Variants in NXPH1 observed in about 807,000 individuals in gnomAD.
NXPH1 encodes neurexophilin-1.
NXPH1 carries 5 observed loss-of-function variants against 23.7 expected under a neutral mutation model. The observed-to-expected ratio is 0.21, with a 90% CI of 0.11 to 0.44. The LOEUF (loss-of-function observed/expected upper bound fraction) is 0.44. NXPH1 is among the 20% of genes least tolerant of loss of function. The pLI is 0.99. For synonymous variants in NXPH1, 144 were observed against 122.2 expected, an observed-to-expected ratio of 1.18 and a Z score of -1.18; for missense variants, 324 against 321.6, an observed-to-expected ratio of 1.01 and a Z score of -0.06.
At chr7:8,624,981 C>T (rs1819956152) in intron 2 of NXPH1, among the ~76,000 whole-genome samples, 1 of 152,096 alleles carries the variant, frequency 6.6e-6, no homozygotes, top group African/African-American at 2.4e-5. Flanking sequence ...TGATGTCCAA[C>T]ATTTCTTAAA....
At chr7:8,492,392 G>A (rs1817262412) in intron 2 of NXPH1, among the ~76,000 whole-genome samples, 1 of 151,994 alleles carries the variant, frequency 6.6e-6, no homozygotes, top group Non-Finnish European at 1.5e-5. Context: ...GATTGTAGGT[G>A]CACTGCTTAC....
At chr7:8,524,582 G>T (rs67044006) in intron 2 of NXPH1, among the ~76,000 whole-genome samples, 35,792 of 152,104 alleles carry the variant, frequency 0.24, 4,355 homozygotes, top group East Asian at 0.3. Context: ...TGTCTGATAT[G>T]GTTTAGCTCT....
intron 2 of NXPH1, among the ~76,000 whole-genome samples, chr7:8,626,679 C>T (rs1253140706): frequency 1.3e-5 from 2 of 152,084 alleles, no homozygotes; most frequent in East Asian, 3.9e-4. Context: ...CAACATGTTG[C>T]ATATGGCCCT....
intron 2 of NXPH1, among the ~76,000 whole-genome samples, chr7:8,547,058 A>T (rs978448374): frequency 2.6e-5 from 4 of 151,426 alleles, no homozygotes; most frequent in Admixed American, 2.6e-4. Context: ...ATGGTTAGCA[A>T]TAACTGAAGT....
chr7:8,629,263 C>G (rs749242588), intron 2 of NXPH1, among the ~76,000 whole-genome samples: 2 of 151,978 alleles, frequency 1.3e-5, no homozygotes, highest in African/African-American at 2.4e-5. Flanking sequence ...CCTTTGTACC[C>G]AAAACTTTCC....
chr7:8,711,866 G>C (rs897682020), intron 2 of NXPH1, among the ~76,000 whole-genome samples: 12 of 152,188 alleles, frequency 7.9e-5, no homozygotes, highest in Non-Finnish European at 1.5e-4. Flanking sequence ...CAAATTTTGG[G>C]AAGGATATGG....
chr7:8,576,188 G>A (rs1818751918), intron 2 of NXPH1, among the ~76,000 whole-genome samples: 1 of 152,040 alleles, frequency 6.6e-6, no homozygotes, highest in South Asian at 2.1e-4. Flanking sequence ...CTGTATTCTA[G>A]GCATATGTTT....
intron 2 of NXPH1, among the ~76,000 whole-genome samples, chr7:8,573,532 G>C (rs543371139): frequency 1.3e-5 from 2 of 152,250 alleles, no homozygotes; most frequent in African/African-American, 2.4e-5. Flanking sequence ...ACAAGGAACA[G>C]TTGGAATATT....
chr7:8,723,091 C>T (rs1779995266), intron 2 of NXPH1, among the ~76,000 whole-genome samples: 2 of 152,172 alleles, frequency 1.3e-5, no homozygotes, highest in African/African-American at 4.8e-5. Flanking sequence ...TAAACCGTTG[C>T]AAACATACCC....
chr7:8,452,694 G>C (rs1211787500), intron 2 of NXPH1, among the ~76,000 whole-genome samples: 1 of 152,052 alleles, frequency 6.6e-6, no homozygotes, highest in Non-Finnish European at 1.5e-5. Context: ...TCAAATGTTT[G>C]ACTTGTTTTT....
At chr7:8,650,676 T>G (rs182710168) in intron 2 of NXPH1, among the ~76,000 whole-genome samples, 10 of 152,342 alleles carry the variant, frequency 6.6e-5, no homozygotes, top group Admixed American at 6.5e-4. Context: ...TCTCTTTAGT[T>G]GCCACATGGC....
At chr7:8,553,642 C>G (rs879559309) in intron 2 of NXPH1, among the ~76,000 whole-genome samples, 5 of 151,538 alleles carry the variant, frequency 3.3e-5, no homozygotes, top group Non-Finnish European at 5.9e-5. Flanking sequence ...CAGTAAATCT[C>G]TAGTTTCATC....
At chr7:8,566,292 G>T (rs1373027686) in intron 2 of NXPH1, among the ~76,000 whole-genome samples, 1 of 151,804 alleles carries the variant, frequency 6.6e-6, no homozygotes, top group Admixed American at 6.6e-5. Context: ...CCATGAAATT[G>T]TTCCAAAATT....
intron 2 of NXPH1, among the ~76,000 whole-genome samples, chr7:8,684,279 A>G (rs1162621050): frequency 1.3e-5 from 2 of 152,108 alleles, no homozygotes; most frequent in Non-Finnish European, 2.9e-5. Context: ...ACCACATAGT[A>G]TGTGTGTGTT....
At chr7:8,620,097 A>G (rs1281392989) in intron 2 of NXPH1, among the ~76,000 whole-genome samples, 1 of 152,186 alleles carries the variant, frequency 6.6e-6, no homozygotes, top group Non-Finnish European at 1.5e-5. Context: ...TCTAGTCACA[A>G]GGATCCTTCT....
chr7:8,744,964 C>T (rs1780442872), intron 2 of NXPH1, among the ~76,000 whole-genome samples: 1 of 152,186 alleles, frequency 6.6e-6, no homozygotes, highest in Non-Finnish European at 1.5e-5. Flanking sequence ...TATTAAACCA[C>T]CCTTTAATAT....
chr7:8,559,609 G>C (rs1562402193), intron 2 of NXPH1, among the ~76,000 whole-genome samples: 1 of 151,700 alleles, frequency 6.6e-6, no homozygotes, highest in Non-Finnish European at 1.5e-5. Flanking sequence ...AGGTACATGA[G>C]CTTTTTTCCT....
chr7:8,696,038 T>A (rs1467788157), intron 2 of NXPH1, among the ~76,000 whole-genome samples: 2 of 152,256 alleles, frequency 1.3e-5, no homozygotes, highest in Non-Finnish European at 2.9e-5. Context: ...TTGTTTCATA[T>A]TAAAAATTCA....
At chr7:8,496,760 A>G (rs1258125832) in intron 2 of NXPH1, among the ~76,000 whole-genome samples, 1 of 152,114 alleles carries the variant, frequency 6.6e-6, no homozygotes, top group Non-Finnish European at 1.5e-5. Flanking sequence ...CAATGTCTCA[A>G]TGTCTCACAA....
Sources: gnomAD v4.1 joint callset for allele counts (sites outside exome capture counted in the v4.1 genomes callset) on GRCh38, gnomAD v4.1.1 for gene constraint, MANE v1.5 for transcripts, NCBI Gene and HGNC (gene_info 2026-07-23, HGNC 2026-07-21) for gene names.